Variants in SPON1 observed in about 807,000 individuals in gnomAD.
The protein encoded by SPON1 is spondin 1, also known as spondin-1.
A neutral mutation model predicts 111.7 loss-of-function variants in SPON1; 52 were observed. That is an observed-to-expected ratio of 0.47 (90% CI 0.37 to 0.59). The LOEUF (loss-of-function observed/expected upper bound fraction) is 0.59. Among genes scored for constraint, SPON1 ranks in the 20% least tolerant of loss-of-function variants. The pLI is 0.00. For missense variants in SPON1, 957 were observed against 1,068.5 expected (o/e 0.90, Z 1.46); for synonymous variants, 410 against 395.8 (o/e 1.04, Z -0.43).
intron 3 of SPON1, among the ~76,000 whole-genome samples, chr11:14,054,399 G>C (rs1466583255): frequency 3.3e-5 from 5 of 152,120 alleles, no homozygotes; most frequent in Non-Finnish European, 1.5e-5. Flanking sequence ...TAAGGAGAAA[G>C]AGGGGGAAGC....
At chr11:14,174,209 A>G (rs1412544841) in intron 6 of SPON1, among the ~76,000 whole-genome samples, 2 of 152,240 alleles carry the variant, frequency 1.3e-5, no homozygotes, top group Non-Finnish European at 2.9e-5. Context: ...ATTTCATTGC[A>G]AGGCAACCCA....
At chr11:14,133,781 A>T (rs1349892178) in intron 5 of SPON1, among the ~76,000 whole-genome samples, 1 of 152,082 alleles carries the variant, frequency 6.6e-6, no homozygotes, top group South Asian at 2.1e-4. Context: ...CTATCTGTCT[A>T]CTCTAGGGAT....
intron 6 of SPON1, among the ~76,000 whole-genome samples, chr11:14,183,770 C>G (rs1358752546): frequency 7.3e-6 from 1 of 137,672 alleles, no homozygotes; most frequent in East Asian, 2.4e-4. Flanking sequence ...GGGATTTAAA[C>G]AGATCTGACT....
chr11:14,029,021 C>T (rs1237696282), intron 2 of SPON1, among the ~76,000 whole-genome samples: 1 of 152,064 alleles, frequency 6.6e-6, no homozygotes, highest in Non-Finnish European at 1.5e-5. Flanking sequence ...TACCACTTTC[C>T]CGAAGTCTGT....
chr11:14,220,597 T>G (rs1554937505), intron 6 of SPON1, among the ~76,000 whole-genome samples: 1 of 152,202 alleles, frequency 6.6e-6, no homozygotes, highest in Non-Finnish European at 1.5e-5. Context: ...AACTCTGACC[T>G]TAAAAGCATC....
chr11:13,997,996 C>T (rs1554912003), intron 2 of SPON1, among the ~76,000 whole-genome samples: 1 of 152,062 alleles, frequency 6.6e-6, no homozygotes, highest in African/African-American at 2.4e-5. Flanking sequence ...CTGGAAGTTC[C>T]ATGAGAGCAG....
chr11:14,196,069 T>A (rs1197879030), intron 6 of SPON1, among the ~76,000 whole-genome samples: 2 of 152,034 alleles, frequency 1.3e-5, no homozygotes, highest in Non-Finnish European at 2.9e-5. Context: ...TAAAGTAGAG[T>A]CTTTAAAGTA....
Position 14,038,391 on chromosome 11 carries a change from C to T in SPON1, c.346-3130C>T, listed in dbSNP as rs188444841. 2.9e-3 allele frequency among the ~76,000 whole-genome samples: 443 copies of T among 152,016 alleles called. 2 individuals are homozygous for T. The highest frequency in any genetic ancestry group is 6.8e-3 in the Middle Eastern group (2 of 294). On this transcript the variant is annotated intron_variant, in intron 2 of 15. Transcript: ENST00000576479. ...GGCTGAGGCAGGAAAATTGCCTGAA[C>T]GTGGGAGGCAGAGGTTATAGTGAGC...
chr11:14,061,495 CTTAA>C (rs1848790824), intron 3 of SPON1, among the ~76,000 whole-genome samples: 1 of 152,178 alleles, frequency 6.6e-6, no homozygotes, highest in South Asian at 2.1e-4. Flanking sequence ...TTAAATTACT[CTTAA>C]TTAATTCTCC....
chr11:14,091,484 G>C (rs1253699274), intron 5 of SPON1, among the ~76,000 whole-genome samples: 1 of 152,212 alleles, frequency 6.6e-6, no homozygotes, highest in African/African-American at 2.4e-5. Flanking sequence ...CGGGAAGGCA[G>C]CTCAGGCTCG....
intron 2 of SPON1, among the ~76,000 whole-genome samples, chr11:13,998,897 T>C (rs1848294680): frequency 6.6e-6 from 1 of 152,210 alleles, no homozygotes; most frequent in African/African-American, 2.4e-5. Flanking sequence ...AATACATAAC[T>C]TTTATGCAAA....
In SPON1 at chr11:14,267,766, G is replaced by A. The variant is rs1450698914; in HGVS notation, c.*2079G>A. 6 of 152,058 alleles carry A rather than the reference G, an allele frequency of 3.9e-5. No individual in the cohort carries two copies. The highest frequency in any genetic ancestry group is 1.4e-4 in the African/African-American group (6 of 41,386). 9.4% of individuals were successfully genotyped at this position (152,058 alleles called of 1,614,324 possible). Reference sequence around the variant, plus strand: ...TTGTTAGGTGGTTTATAGTTCTTTTGGCTAACAAATCATTTTGGAAATAAA... The same window carrying A: ...TTGTTAGGTGGTTTATAGTTCTTTTAGCTAACAAATCATTTTGGAAATAAA... On this transcript the variant is annotated 3_prime_UTR_variant, in exon 16 of 16. Transcript: ENST00000576479.
chr11:14,134,007 G>A (rs1847561089), intron 5 of SPON1, among the ~76,000 whole-genome samples: 1 of 151,656 alleles, frequency 6.6e-6, no homozygotes, highest in South Asian at 2.1e-4. Flanking sequence ...GCTGTAAACA[G>A]AACCAGGCCA....
At chr11:14,128,840 A>G (rs1368032961) in intron 5 of SPON1, among the ~76,000 whole-genome samples, 1 of 152,128 alleles carries the variant, frequency 6.6e-6, no homozygotes, top group Admixed American at 6.5e-5. Flanking sequence ...CCATCTGTGT[A>G]CCCACAGACC....
chr11:14,259,362 G>A lies in SPON1; in HGVS notation c.1575G>A (p.Glu525=), dbSNP rs782041009. The A allele has an allele frequency of 9.9e-6, 16 of 1,612,222 alleles. No individual in the cohort carries two copies. Among genetic ancestry groups the A allele is most frequent in the Non-Finnish European group, 1.4e-5 (16 of 1,179,380 alleles). The part of the protein sequence containing the change: ...ISCGMGMRSR[E]RYVKQFPEDG... ...GCGGCATGGGCATGAGGTCCCGGGA[G>A]AGGTATGTGAAGCAGTTCCCGGAGG... Residue 525 remains glutamate (E), a synonymous_variant, in exon 12 of 16, where the codon GAG becomes GAA. Coordinates refer to ENST00000576479, the MANE Select transcript of SPON1 (RefSeq NM_006108.4). This position sits in a 1 kb window ranked among gnomAD's most constrained non-coding sequence, Gnocchi z 5.0.
At chr11:14,172,731 T>G (rs1443363658) in intron 6 of SPON1, among the ~76,000 whole-genome samples, 1 of 152,018 alleles carries the variant, frequency 6.6e-6, no homozygotes, top group East Asian at 1.9e-4. Context: ...GTAAAGTATT[T>G]TATTTCTCCT....
intron 6 of SPON1, among the ~76,000 whole-genome samples, chr11:14,187,060 C>T (rs541382165): frequency 3.9e-5 from 6 of 152,160 alleles, no homozygotes; most frequent in African/African-American, 9.7e-5. Context: ...GCTCGGCTTC[C>T]GGTGAGGTCT....
At chr11:14,210,540 C>T (rs528235134) in intron 6 of SPON1, among the ~76,000 whole-genome samples, 1 of 152,104 alleles carries the variant, frequency 6.6e-6, no homozygotes, top group African/African-American at 2.4e-5. Flanking sequence ...CTGGGACTTA[C>T]AGGCACAAGC....
chr11:14,240,369 A>T (rs1422879208), intron 6 of SPON1, among the ~76,000 whole-genome samples: 2 of 152,196 alleles, frequency 1.3e-5, no homozygotes, highest in Admixed American at 6.5e-5. Flanking sequence ...ATCACCAAAA[A>T]AGAGAACAAT....
Sources: allele counts gnomAD v4.1 joint callset (sites outside exome capture counted in the v4.1 genomes callset), GRCh38; gene constraint gnomAD v4.1.1; non-coding constraint Gnocchi (gnomAD v3.1); transcripts MANE v1.5; gene names NCBI Gene and HGNC (gene_info 2026-07-23, HGNC 2026-07-21).